The following GPC6 variants were observed in gnomAD, a reference collection of about 807,000 sequenced individuals.
GPC6 encodes glypican-6.
A neutral mutation model predicts 55.2 loss-of-function variants in GPC6; 14 were observed. That is an observed-to-expected ratio of 0.25 (90% confidence interval 0.17 to 0.40). The LOEUF is 0.40. Among genes scored for constraint, GPC6 ranks in the 10% least tolerant of loss-of-function variants. The pLI is 1.00. For synonymous variants in GPC6, 278 were observed against 259.6 expected, an observed-to-expected ratio of 1.07 and a Z score of -0.68; for missense variants, 641 against 708.5, an observed-to-expected ratio of 0.90 and a Z score of 1.08.
At chr13:94,349,344 T>C (rs569778051) in intron 6 of GPC6, among the ~76,000 whole-genome samples, 1 of 152,316 alleles carries the variant, frequency 6.6e-6, no homozygotes, top group East Asian at 1.9e-4. Flanking sequence ...TGATGGCACT[T>C]GTCTCCCTAC....
chr13:94,026,863 T>C (rs1446893036), intron 3 of GPC6, among the ~76,000 whole-genome samples: 1 of 152,062 alleles, frequency 6.6e-6, no homozygotes, highest in Non-Finnish European at 1.5e-5. Context: ...TGGTGAGAAC[T>C]CCCTCACTAT....
chr13:93,557,378 G>T lies in GPC6; in HGVS notation c.319+11957G>T, dbSNP rs115656822. ...CAGCAATATAAATCTGAAGATCTGT[G>T]TAATATATTATGATTGATGTTAAAA... On this transcript the variant is annotated intron_variant, in intron 2 of 8. Coordinates refer to ENST00000377047, the MANE Select transcript of GPC6 (RefSeq NM_005708.5). Among the ~76,000 whole-genome samples, 1,214 of 152,062 alleles carry T rather than the reference G, an allele frequency of 8.0e-3. 21 individuals carry two copies. Among genetic ancestry groups the T allele is most frequent in the African/African-American group, 0.027 (1,103 of 41,422 alleles).
intron 1 of GPC6, among the ~76,000 whole-genome samples, chr13:93,263,935 C>T (rs1877237562): frequency 6.6e-6 from 1 of 152,132 alleles, no homozygotes; most frequent in Admixed American, 6.6e-5. Context: ...ACTCTCACAC[C>T]AGCAGCTCAG....
chr13:93,406,936 G>A (rs1876315292), intron 1 of GPC6, among the ~76,000 whole-genome samples: 1 of 152,084 alleles, frequency 6.6e-6, no homozygotes, highest in South Asian at 2.1e-4. Context: ...AAGGGACATA[G>A]CAACAAAATG....
At chr13:94,138,684 A>G (rs545729513) in intron 4 of GPC6, among the ~76,000 whole-genome samples, 1 of 152,314 alleles carries the variant, frequency 6.6e-6, no homozygotes, top group African/African-American at 2.4e-5. Context: ...TTTTACTATA[A>G]GCTTAAGCCT....
chr13:93,360,645 T>G (rs969160224), intron 1 of GPC6, among the ~76,000 whole-genome samples: 1 of 152,220 alleles, frequency 6.6e-6, no homozygotes, highest in African/African-American at 2.4e-5. Context: ...TTGATGTGTT[T>G]ACTTTTGAAT....
chr13:93,610,763 T>G (rs1402741403), intron 2 of GPC6, among the ~76,000 whole-genome samples: 1 of 152,144 alleles, frequency 6.6e-6, no homozygotes, highest in Non-Finnish European at 1.5e-5. Context: ...CTATGGATAA[T>G]GCACTGTGAT....
intron 4 of GPC6, among the ~76,000 whole-genome samples, chr13:94,062,585 C>G (rs957316304): frequency 6.6e-6 from 1 of 152,094 alleles, no homozygotes; most frequent in East Asian, 1.9e-4. Flanking sequence ...ATTTCCTCTC[C>G]GTTTTCATCC....
chr13:94,260,178 T>C (rs1370385898), intron 4 of GPC6, among the ~76,000 whole-genome samples: 1 of 152,176 alleles, frequency 6.6e-6, no homozygotes, highest in East Asian at 1.9e-4. Context: ...CCTGCTGCCA[T>C]GGTCTGGTCT....
chr13:93,675,917 A>G (rs1007460715), intron 2 of GPC6, among the ~76,000 whole-genome samples: 15 of 151,758 alleles, frequency 9.9e-5, no homozygotes. Flanking sequence ...TTATTACTAT[A>G]CAATTTCAGA....
chr13:94,369,615 C>T (rs1879442980), intron 6 of GPC6, among the ~76,000 whole-genome samples: 1 of 152,090 alleles, frequency 6.6e-6, no homozygotes, highest in South Asian at 2.1e-4. Context: ...ATGCTTTTTC[C>T]TTAAGCCAAG....
chr13:93,654,929 C>T (rs1880588232), intron 2 of GPC6, among the ~76,000 whole-genome samples: 2 of 150,558 alleles, frequency 1.3e-5, no homozygotes, highest in South Asian at 4.2e-4. Context: ...CTCCGCCTCC[C>T]GGGTTCACGC....
chr13:93,970,909 A>G (rs2225889), intron 3 of GPC6, among the ~76,000 whole-genome samples: 55,186 of 152,148 alleles, frequency 0.36, 12,971 homozygotes, highest in Non-Finnish European at 0.52. Context: ...ACAAGATACA[A>G]TGTGGCAAAA....
At chr13:94,292,631 A>G (rs1422625834) in intron 5 of GPC6, among the ~76,000 whole-genome samples, 1 of 151,902 alleles carries the variant, frequency 6.6e-6, no homozygotes, top group Non-Finnish European at 1.5e-5. Context: ...TCTCTTATGT[A>G]TCTCTCTTAT....
intron 2 of GPC6, among the ~76,000 whole-genome samples, chr13:93,797,618 T>A (rs9561448): frequency 2.0e-5 from 3 of 152,084 alleles, no homozygotes; most frequent in Middle Eastern, 3.4e-3. Flanking sequence ...CATTATTACT[T>A]ACAGAGGAGC....
chr13:93,939,627 T>G (rs1214312876), intron 3 of GPC6, among the ~76,000 whole-genome samples: 1 of 152,098 alleles, frequency 6.6e-6, no homozygotes, highest in African/African-American at 2.4e-5. Context: ...CACTAAAATT[T>G]TTTTTGAGAT....
intron 2 of GPC6, among the ~76,000 whole-genome samples, chr13:93,546,287 C>T (rs988755227): frequency 6.6e-6 from 1 of 152,206 alleles, no homozygotes; most frequent in Non-Finnish European, 1.5e-5. Context: ...TTTCTTCTCT[C>T]AGTTCAGTCA....
At chr13:93,231,397 GTATATATATATATATATATATATATAC>G (rs1876043003) in intron 1 of GPC6, among the ~76,000 whole-genome samples, 1 of 45,864 alleles carries the variant, frequency 2.2e-5, no homozygotes, top group Non-Finnish European at 3.9e-5. Context: ...ATATATATAT[GTATATATATATATATATATATATATAC>G]GTATATATAT....
intron 4 of GPC6, among the ~76,000 whole-genome samples, chr13:94,181,664 T>C (rs761227380): frequency 1.6e-4 from 24 of 152,194 alleles, no homozygotes; most frequent in Non-Finnish European, 3.2e-4. Context: ...CCACACAATC[T>C]TTGCACTTTG....
Sources: allele counts gnomAD v4.1 joint callset (sites outside exome capture counted in the v4.1 genomes callset), GRCh38; gene constraint gnomAD v4.1.1; transcripts MANE v1.5; gene names NCBI Gene and HGNC (gene_info 2026-07-23, HGNC 2026-07-21).